The following USP33 variants were observed in gnomAD, a reference collection of about 807,000 sequenced individuals.
USP33 encodes the protein ubiquitin specific peptidase 33.
A neutral mutation model predicts 124.2 loss-of-function variants in USP33; 46 were observed. The ratio of observed to expected loss-of-function variants is 0.37; its 90% CI spans 0.29 to 0.47. USP33 has a LOEUF of 0.47. Ranked by LOEUF, USP33 falls within the 20% of genes least tolerant of loss-of-function variation. The pLI, the probability that USP33 is intolerant of heterozygous loss-of-function variation, is 0.99. For synonymous variants in USP33, 350 were observed against 352.3 expected (o/e 0.99, Z 0.07); for missense variants, 851 against 1,070.6 (o/e 0.79, Z 2.86).
chr1:77,743,744 T>C (rs1679398715), intron 1 of USP33, among the ~76,000 whole-genome samples: 1 of 152,184 alleles, frequency 6.6e-6, no homozygotes, highest in Non-Finnish European at 1.5e-5. Context: ...AAAGACACCA[T>C]AATAGAGGAA....
intron 19 of USP33, among the ~76,000 whole-genome samples, chr1:77,714,059 T>C (rs186775251): frequency 6.6e-6 from 1 of 152,316 alleles, no homozygotes; most frequent in Admixed American, 6.5e-5. Context: ...AAGGTCCTAT[T>C]TATTGTAGAA....
At chr1:77,704,412 C>T (rs1477071107) in intron 21 of USP33, among the ~76,000 whole-genome samples, 2 of 152,306 alleles carry the variant, frequency 1.3e-5, no homozygotes, top group African/African-American at 2.4e-5. Flanking sequence ...ATACCACTAC[C>T]ATGTTTGAAA....
intron 15 of USP33, among the ~76,000 whole-genome samples, chr1:77,720,057 G>A (rs981329519): frequency 1.3e-5 from 2 of 150,714 alleles, no homozygotes; most frequent in South Asian, 4.2e-4. Flanking sequence ...CTACTTGAGA[G>A]GCTGAGGCAG....
chr1:77,713,223 G>A lies in USP33; in HGVS notation c.2274C>T (p.Asn758=), dbSNP rs1363606708. 1 of 1,586,244 alleles carries A rather than the reference G, an allele frequency of 6.3e-7. No homozygotes were observed. The highest frequency in any genetic ancestry group is 1.2e-5 in the South Asian group (1 of 85,964). The stretch of plus-strand genomic sequence containing the variant: ...ACCTGCTATATAGGTTATCCCAAAT[G>A]TTCTGAGGCAGCATCAAAACCAGGT... ...IEDLVLMLPQ[N]IWDNLYSRYG... The change falls in exon 20 of 24, where the codon AAC becomes AAT. Residue 758 remains asparagine (N), a synonymous_variant. Transcript: ENST00000370794.
intron 1 of USP33, among the ~76,000 whole-genome samples, chr1:77,748,134 TTTTCAAGGGGAGGAGTTTTAGTTCTTA>T (rs1401973627): frequency 3.9e-4 from 59 of 152,308 alleles, no homozygotes; most frequent in African/African-American, 1.3e-3. Flanking sequence ...GTTTTACTTC[TTTTCAAGGGGAGGAGTTTTAGTTCTTA>T]TTTCAAGGGG....
rs1047321206 is a variant in USP33, at chr1:77,759,791, G to T, written c.-200C>A. 15 of 396,918 alleles carry T rather than the reference G, an allele frequency of 3.8e-5. No individual in the cohort carries two copies. Among genetic ancestry groups the T allele is most frequent in the African/African-American group, 2.9e-4 (14 of 48,546 alleles). 24.6% of individuals were successfully genotyped at this position (396,918 alleles called of 1,614,324 possible). A position where few individuals can be genotyped will look rare whatever the true frequency, so the allele number is the denominator to read the frequency against. ...AAAACGGCCCCGCAGCGCTGCCCTC[G>T]GGGGGTCCGCCTCCTGAACTGGCCA... On this transcript the variant is annotated 5_prime_UTR_variant, in exon 1 of 24. Coordinates refer to ENST00000370794, the MANE Select transcript of USP33 (RefSeq NM_201624.3).
At chr1:77,734,530 G>A in intron 6 of USP33, 114 bp from the exon 7 acceptor site, 1 of 650,838 alleles carries the variant, frequency 1.5e-6, no homozygotes, top group Non-Finnish European at 2.6e-6. Flanking sequence ...ATACAATATA[G>A]CAACTTGAAC....
intron 5 of USP33, among the ~76,000 whole-genome samples, chr1:77,738,920 T>C (rs998989190): frequency 6.6e-6 from 1 of 152,074 alleles, no homozygotes; most frequent in African/African-American, 2.4e-5. Flanking sequence ...GCTGAATTAG[T>C]AACTGCCATA....
At chr1:77,725,536 T>A in intron 11 of USP33, 86 bp downstream of exon 11, 1 of 1,475,308 alleles carries the variant, frequency 6.8e-7, no homozygotes, top group Non-Finnish European at 9.1e-7. Context: ...TATTTCATAA[T>A]TAACACTTTA....
intron 21 of USP33, among the ~76,000 whole-genome samples, chr1:77,702,900 T>TAGTAGTGTGTA (rs145387818): frequency 1.1e-4 from 16 of 151,882 alleles, no homozygotes; most frequent in African/African-American, 3.6e-4. Context: ...AATCTAATTG[T>TAGTAGTGTGTA]AGTAGTGTGT....
At chr1:77,711,707 T>A in intron 21 of USP33, 40 bp downstream of exon 21, 1 of 1,586,692 alleles carries the variant, frequency 6.3e-7, no homozygotes, top group Non-Finnish European at 8.5e-7. Context: ...CAGGTCTTCA[T>A]CTTTATCCTA....
At position 77,712,891 on chromosome 1, in the gene USP33, G is replaced by A. The variant is rs140335985; in HGVS notation, c.2297+309C>T. ...AGAAAAAAAAATTTACAATTTAAGA[G>A]TAAGATACTCAATTGTGTGAGTATA... On this transcript the variant is annotated intron_variant, in intron 20 of 23. Coordinates refer to ENST00000370794, the MANE Select transcript of USP33 (RefSeq NM_201624.3). Among the ~76,000 whole-genome samples, 532 of 152,180 alleles carry A rather than the reference G, an allele frequency of 3.5e-3. 3 individuals are homozygous for A. Among genetic ancestry groups the A allele is most frequent in the African/African-American group, 0.012 (512 of 41,532 alleles).
intron 10 of USP33, among the ~76,000 whole-genome samples, chr1:77,726,973 G>GT (rs897432040): frequency 6.6e-6 from 1 of 152,160 alleles, no homozygotes; most frequent in African/African-American, 2.4e-5. Context: ...AGAATTGTTC[G>GT]TAAGAGATCT....
At chr1:77,755,939 T>C (rs1050014537) in intron 1 of USP33, among the ~76,000 whole-genome samples, 1 of 152,188 alleles carries the variant, frequency 6.6e-6, no homozygotes, top group African/African-American at 2.4e-5. Context: ...TGCTTTCCTT[T>C]TGAATGACTG....
intron 21 of USP33, 118 bp from the exon 22 acceptor site, chr1:77,701,589 G>C: frequency 1.3e-6 from 1 of 772,304 alleles, no homozygotes; most frequent in Non-Finnish European, 2.1e-6. Flanking sequence ...GAGGCAGGAG[G>C]AGTCCTTGAA....
At chr1:77,751,564 G>T (rs888737953) in intron 1 of USP33, among the ~76,000 whole-genome samples, 1 of 152,172 alleles carries the variant, frequency 6.6e-6, no homozygotes, top group East Asian at 1.9e-4. Context: ...GGCTGAGGTG[G>T]GAGGATCACC....
intron 3 of USP33, 91 bp downstream of exon 3, chr1:77,741,285 C>T: frequency 7.9e-7 from 1 of 1,272,054 alleles, no homozygotes; most frequent in Non-Finnish European, 1.1e-6. Context: ...ACAAAAATCA[C>T]TTTAAGTATC....
At chr1:77,702,925 T>C (rs1156663472) in intron 21 of USP33, among the ~76,000 whole-genome samples, 3 of 151,970 alleles carry the variant, frequency 2.0e-5, no homozygotes, top group Non-Finnish European at 4.4e-5. Context: ...AGTGTGTAAG[T>C]AGTGTGTAGT....
intron 21 of USP33, among the ~76,000 whole-genome samples, chr1:77,709,183 C>G (rs980376916): frequency 6.6e-6 from 1 of 151,892 alleles, no homozygotes; most frequent in Non-Finnish European, 1.5e-5. Context: ...GCAGTATCTC[C>G]TATTTTATTT....
Sources: gnomAD v4.1 joint callset for allele counts (sites outside exome capture counted in the v4.1 genomes callset) on GRCh38, gnomAD v4.1.1 for gene constraint, MANE v1.5 for transcripts, NCBI Gene and HGNC (gene_info 2026-07-23, HGNC 2026-07-21) for gene names.